MYO16: variants seen among roughly 807,000 people sequenced by gnomAD.
MYO16 encodes the protein myosin XVI, also known as unconventional myosin-XVI.
Under a neutral mutation model 205.3 loss-of-function variants are expected in MYO16, and 94 were observed. The observed-to-expected ratio is 0.46, with a 90% CI of 0.39 to 0.54. The LOEUF is 0.54. Ranked by LOEUF, MYO16 falls within the 20% of genes least tolerant of loss-of-function variation. MYO16 has a pLI of 0.00. For missense variants in MYO16, 2,315 were observed against 2,387.5 expected, an observed-to-expected ratio of 0.97 and a Z score of 0.63; for synonymous variants, 988 against 954.0, an observed-to-expected ratio of 1.04 and a Z score of -0.66.
At position 108,932,923 on chromosome 13, in the gene MYO16, C is replaced by T. The variant is rs986056622; in HGVS notation, c.1925+22773C>T. 3.3e-5 allele frequency among the ~76,000 whole-genome samples: 5 copies of T among 152,058 alleles called. No individual in the cohort carries two copies. In the South Asian group the frequency reaches 8.3e-4, roughly 25 times the overall value. On this transcript the variant is annotated intron_variant, in intron 16 of 34. Coordinates refer to ENST00000457511, the MANE Select transcript of MYO16 (RefSeq NM_001198950.3). ...CTTACTTCCTGAGATGTCAGCTCTC[C>T]TTTTGAGCTGACAATATCTACCCCA... is the stretch of plus-strand genomic sequence containing the variant.
chr13:109,059,653 A>T (rs566635927), intron 27 of MYO16, among the ~76,000 whole-genome samples: 41 of 152,082 alleles, frequency 2.7e-4, no homozygotes, highest in African/African-American at 9.4e-4. Context: ...TAGATTCTGG[A>T]TGTTAGACCT....
At chr13:108,886,822 ACTC>A (rs1879921861) in intron 13 of MYO16, among the ~76,000 whole-genome samples, 1 of 150,472 alleles carries the variant, frequency 6.6e-6, no homozygotes, top group African/African-American at 2.5e-5. Context: ...AAGCTGGAGA[ACTC>A]CTTTCGGTAT....
At chr13:109,088,844 C>A (rs375007041) in intron 27 of MYO16, among the ~76,000 whole-genome samples, 2 of 152,312 alleles carry the variant, frequency 1.3e-5, no homozygotes, top group East Asian at 3.9e-4. Flanking sequence ...TGAACAGCCC[C>A]GCCGAGGGCC....
intron 6 of MYO16, among the ~76,000 whole-genome samples, chr13:108,799,831 C>T (rs1886914932): frequency 6.6e-6 from 1 of 152,052 alleles, no homozygotes; most frequent in African/African-American, 2.4e-5. Context: ...TTTTCTTCAT[C>T]CATCATTCCC....
the MYO16 span, among the ~76,000 whole-genome samples, chr13:108,562,286 A>G: frequency 6.6e-6 from 1 of 152,170 alleles, no homozygotes. Flanking sequence ...TTCTACCTTC[A>G]TGACTTAATC....
intron 15 of MYO16, among the ~76,000 whole-genome samples, chr13:108,900,115 A>T (rs1237451056): frequency 6.6e-6 from 1 of 152,180 alleles, no homozygotes; most frequent in Non-Finnish European, 1.5e-5. Flanking sequence ...TGAAGGTGTC[A>T]TCCATTACTA....
At chr13:108,927,910 G>T (rs1210707102) in intron 16 of MYO16, among the ~76,000 whole-genome samples, 1 of 152,258 alleles carries the variant, frequency 6.6e-6, no homozygotes, top group Non-Finnish European at 1.5e-5. Flanking sequence ...ATGCGCTCTA[G>T]GCTGCACCAT....
At chr13:108,847,456 A>C (rs976718537) in intron 10 of MYO16, among the ~76,000 whole-genome samples, 1 of 152,194 alleles carries the variant, frequency 6.6e-6, no homozygotes, top group Non-Finnish European at 1.5e-5. Context: ...GCAGCGTGGT[A>C]AACTGAGTGG....
chr13:109,008,077 A>C (rs977595493), intron 21 of MYO16, among the ~76,000 whole-genome samples: 2 of 152,232 alleles, frequency 1.3e-5, no homozygotes, highest in African/African-American at 4.8e-5. Context: ...CGTTGTTTTT[A>C]GCATACTTTG....
chr13:108,855,781 G>A (rs1878140380), intron 11 of MYO16, among the ~76,000 whole-genome samples: 1 of 152,172 alleles, frequency 6.6e-6, no homozygotes, highest in African/African-American at 2.4e-5. Context: ...ATACCCTGTG[G>A]ACAGACACAA....
chr13:108,754,118 ACAAACTGT>A (rs1258122134), intron 4 of MYO16, among the ~76,000 whole-genome samples: 1 of 152,210 alleles, frequency 6.6e-6, no homozygotes, highest in Admixed American at 6.5e-5. Context: ...AGCATGCAGA[ACAAACTGT>A]AGCATGCAGG....
rs142897222 is a variant in MYO16, at chr13:109,206,781, C to T, written c.5588C>T (p.Pro1863Leu). Reference sequence around the variant, plus strand: ...AAGAAGCCCAGCCTTCTGAAGAAGCCGGAAGGGGCCTCCTGCAACAGGCTG... The same window carrying T: ...AAGAAGCCCAGCCTTCTGAAGAAGCTGGAAGGGGCCTCCTGCAACAGGCTG... ...PCKKPSLLKK[P>L]EGASCNRLPS... The change falls in exon 35 of 35, where the codon CCG becomes CTG. Residue 1863 changes from proline (P) to leucine (L), a missense_variant. By Grantham distance (98) the Pro-to-Leu change is moderately conservative. Transcript: ENST00000457511. The T allele has an allele frequency of 1.9e-5, 31 of 1,614,062 alleles. No individual in the cohort carries two copies. The highest frequency in any genetic ancestry group is 4.0e-5 in the African/African-American group (3 of 74,914).
chr13:108,717,680 C>T (rs1594236927), intron 3 of MYO16, among the ~76,000 whole-genome samples: 1 of 149,264 alleles, frequency 6.7e-6, no homozygotes, highest in East Asian at 2.0e-4. Context: ...AAACTATGTC[C>T]AAAACATATT....
chr13:108,892,258 T>G (rs1170582502), intron 14 of MYO16, among the ~76,000 whole-genome samples: 4 of 152,166 alleles, frequency 2.6e-5, no homozygotes, highest in African/African-American at 9.7e-5. Context: ...AAAATAATTT[T>G]TTTTTTGAAA....
intron 33 of MYO16, among the ~76,000 whole-genome samples, chr13:109,179,219 GCTT>G (rs1367193506): frequency 1.3e-5 from 2 of 152,136 alleles, no homozygotes; most frequent in Non-Finnish European, 2.9e-5. Flanking sequence ...GACCCCGTAT[GCTT>G]CTTCAAACCT....
intron 16 of MYO16, among the ~76,000 whole-genome samples, chr13:108,931,793 T>C (rs1440897531): frequency 6.6e-6 from 1 of 152,188 alleles, no homozygotes; most frequent in Non-Finnish European, 1.5e-5. Flanking sequence ...ACCCCAGATA[T>C]TAGTTTTTAA....
At chr13:109,105,376 G>A (rs540924772) in intron 28 of MYO16, among the ~76,000 whole-genome samples, 2 of 152,326 alleles carry the variant, frequency 1.3e-5, no homozygotes, top group South Asian at 2.1e-4. Context: ...GTAGGCTGAG[G>A]CAGGAGAATT....
At chr13:108,681,274 C>T (rs1337841015) in intron 2 of MYO16, among the ~76,000 whole-genome samples, 1 of 152,174 alleles carries the variant, frequency 6.6e-6, no homozygotes. Context: ...GACCATGGGT[C>T]TTTCACGTCT....
At chr13:108,925,930 T>C (rs1881978538) in intron 16 of MYO16, among the ~76,000 whole-genome samples, 1 of 152,168 alleles carries the variant, frequency 6.6e-6, no homozygotes, top group Non-Finnish European at 1.5e-5. Flanking sequence ...AGTGTTTCCC[T>C]TGGACAGTAG....
Sources: allele counts gnomAD v4.1 joint callset (sites outside exome capture counted in the v4.1 genomes callset), GRCh38; gene constraint gnomAD v4.1.1; transcripts MANE v1.5; gene names NCBI Gene and HGNC (gene_info 2026-07-23, HGNC 2026-07-21).